The following GRM8 variants were observed in gnomAD, a reference collection of about 807,000 sequenced individuals.
The protein encoded by GRM8 is metabotropic glutamate receptor 8.
In GRM8, 47 loss-of-function variants were observed where a neutral mutation model predicts 87.2. The ratio of observed to expected loss-of-function variants is 0.54; its 90% CI spans 0.43 to 0.69. GRM8 has a LOEUF of 0.69. Ranked by LOEUF, GRM8 falls within the 30% of genes least tolerant of loss-of-function variation. The pLI is 0.00. For missense variants in GRM8, 1,019 were observed against 1,139.2 expected, an observed-to-expected ratio of 0.89 and a Z score of 1.52; for synonymous variants, 396 against 404.5, an observed-to-expected ratio of 0.98 and a Z score of 0.25.
intron 3 of GRM8, among the ~76,000 whole-genome samples, chr7:126,999,101 C>T (rs1330603605): frequency 2.0e-5 from 3 of 151,110 alleles, no homozygotes; most frequent in Non-Finnish European, 4.5e-5. Flanking sequence ...AGAAACAAAT[C>T]CTTATTTTCA....
intron 6 of GRM8, among the ~76,000 whole-genome samples, chr7:126,814,792 C>G (rs1793624237): frequency 6.6e-6 from 1 of 151,262 alleles, no homozygotes; most frequent in South Asian, 2.1e-4. Flanking sequence ...CCACTGCCCT[C>G]AATATTACAG....
At chr7:126,788,318 G>A (rs1271574500) in intron 6 of GRM8, among the ~76,000 whole-genome samples, 1 of 147,268 alleles carries the variant, frequency 6.8e-6, no homozygotes, top group Non-Finnish European at 1.5e-5. Context: ...GCTGAGACAG[G>A]AGAATTGCTT....
At chr7:126,532,478 C>T (rs1266747991) in intron 9 of GRM8, among the ~76,000 whole-genome samples, 1 of 151,954 alleles carries the variant, frequency 6.6e-6, no homozygotes, top group Non-Finnish European at 1.5e-5. Flanking sequence ...GGCTTTATCC[C>T]AGAGTTACTT....
rs140549379 is a variant in GRM8, at chr7:126,482,658, T to C, written c.2431-36286A>G. ...CTGGGGGGAAGAGGAATTGAGAAGA[T>C]ATTGTTTAATGGGTATAGAATTTCA... is the stretch of plus-strand genomic sequence containing the variant. On this transcript the variant is annotated intron_variant, in intron 9 of 10. Coordinates refer to ENST00000339582, the MANE Select transcript of GRM8 (RefSeq NM_000845.3). Among the ~76,000 whole-genome samples the C allele has an allele frequency of 8.9e-4, 136 of 152,084 alleles. 2 individuals carry two copies. In the East Asian group the frequency reaches 0.013, roughly 14 times the overall value.
At chr7:126,999,262 T>C (rs1813485196) in intron 3 of GRM8, among the ~76,000 whole-genome samples, 2 of 151,946 alleles carry the variant, frequency 1.3e-5, no homozygotes, top group African/African-American at 4.8e-5. Flanking sequence ...AAAACTTAAA[T>C]CTAAGACCTC....
At chr7:126,678,224 TA>T (rs1424814827) in intron 7 of GRM8, among the ~76,000 whole-genome samples, 2 of 152,202 alleles carry the variant, frequency 1.3e-5, no homozygotes, top group African/African-American at 4.8e-5. Flanking sequence ...TACGCAGATC[TA>T]AAAAAAGACA....
At chr7:126,545,935 C>T (rs186020333) in intron 8 of GRM8, among the ~76,000 whole-genome samples, 2 of 152,194 alleles carry the variant, frequency 1.3e-5, no homozygotes, top group Admixed American at 1.3e-4. Context: ...AGGAGATGTT[C>T]TGTTCAGTGC....
chr7:126,842,222 G>C (rs1308642879), intron 6 of GRM8, among the ~76,000 whole-genome samples: 4 of 152,154 alleles, frequency 2.6e-5, no homozygotes, highest in African/African-American at 9.7e-5. Context: ...GATCCAGGAG[G>C]ACAACAGGAT....
chr7:126,837,935 A>G (rs1257646082), intron 6 of GRM8, among the ~76,000 whole-genome samples: 2 of 152,212 alleles, frequency 1.3e-5, no homozygotes, highest in African/African-American at 4.8e-5. Flanking sequence ...CAGAAAATCA[A>G]AGACGTGTAG....
chr7:126,447,200 A>AC (rs11420463), intron 9 of GRM8: 1 of 151,730 alleles, frequency 6.6e-6, no homozygotes, highest in African/African-American at 2.4e-5. Context: ...TGAAAAAAAA[A>AC]CCAAAGCTAA....
chr7:126,662,389 A>G (rs891105744), intron 7 of GRM8, among the ~76,000 whole-genome samples: 4 of 152,222 alleles, frequency 2.6e-5, no homozygotes, highest in Non-Finnish European at 5.9e-5. Context: ...AATAGAAGCC[A>G]GGAAGGGAGG....
chr7:127,017,193 T>C (rs1435079310), intron 3 of GRM8, among the ~76,000 whole-genome samples: 1 of 152,086 alleles, frequency 6.6e-6, no homozygotes, highest in Non-Finnish European at 1.5e-5. Context: ...GCAGAAGTTG[T>C]CCATATCTAT....
chr7:126,888,505 C>T lies in GRM8; in HGVS notation c.1156+14037G>A, dbSNP rs1271625089. 3.3e-5 allele frequency among the ~76,000 whole-genome samples: 5 copies of T among 152,254 alleles called. No homozygotes were observed. The East Asian group carries it at 9.7e-4, about 29-fold the overall frequency. On this transcript the variant is annotated intron_variant, in intron 6 of 10. Coordinates refer to ENST00000339582, the MANE Select transcript of GRM8 (RefSeq NM_000845.3). ...GGATGACCTCCAAGTTTCCTTCCTT[C>T]TCTAATGTCCTCTGGTTCTCTGTTG...
intron 2 of GRM8, among the ~76,000 whole-genome samples, chr7:127,118,789 G>A (rs546555729): frequency 1.3e-5 from 2 of 152,260 alleles, no homozygotes; most frequent in East Asian, 3.9e-4. Flanking sequence ...TAATTCTTCA[G>A]TAGCTTTTTT....
At chr7:126,863,275 T>C (rs1305037111) in intron 6 of GRM8, among the ~76,000 whole-genome samples, 3 of 152,196 alleles carry the variant, frequency 2.0e-5, no homozygotes, top group African/African-American at 7.2e-5. Flanking sequence ...CTATTTTTTA[T>C]AGTTGGTGCC....
At chr7:126,497,290 T>A (rs1808905789) in intron 9 of GRM8, among the ~76,000 whole-genome samples, 1 of 151,960 alleles carries the variant, frequency 6.6e-6, no homozygotes, top group African/African-American at 2.4e-5. Context: ...TTCATTAATT[T>A]TCTTAAAAGC....
chr7:127,020,193 G>C (rs1288451839), intron 3 of GRM8, among the ~76,000 whole-genome samples: 1 of 152,078 alleles, frequency 6.6e-6, no homozygotes, highest in Admixed American at 6.6e-5. Context: ...CAAAAGGCTA[G>C]TAAGTTAGTA....
At chr7:126,445,510 A>G (rs1801921116) in intron 10 of GRM8, 1 of 152,338 alleles carries the variant, frequency 6.6e-6, no homozygotes, top group South Asian at 2.1e-4. Context: ...TGTAGAAAAG[A>G]TTCTATTTCC....
chr7:127,129,883 G>T (rs1827581886), intron 2 of GRM8, among the ~76,000 whole-genome samples: 1 of 152,208 alleles, frequency 6.6e-6, no homozygotes, highest in Admixed American at 6.5e-5. Flanking sequence ...AATAGAATTT[G>T]TGGCAGGTCA....
Sources: gnomAD v4.1 joint callset for allele counts (sites outside exome capture counted in the v4.1 genomes callset) on GRCh38, gnomAD v4.1.1 for gene constraint, MANE v1.5 for transcripts, NCBI Gene and HGNC (gene_info 2026-07-23, HGNC 2026-07-21) for gene names.